The following LRRC37A2 variants were observed in gnomAD, a reference collection of about 807,000 sequenced individuals.
The protein encoded by LRRC37A2 is leucine-rich repeat-containing protein 37A2.
LRRC37A2 carries 9 observed loss-of-function variants against 68.8 expected under a neutral mutation model. That is an observed-to-expected ratio of 0.13 (90% CI 0.08 to 0.23). The LOEUF is 0.23. Among genes scored for constraint, LRRC37A2 ranks in the 10% least tolerant of loss-of-function variants. LRRC37A2 has a pLI of 1.00. For synonymous variants in LRRC37A2, 63 were observed against 367.6 expected, an observed-to-expected ratio of 0.17 and a Z score of 9.48; for missense variants, 168 against 950.4, an observed-to-expected ratio of 0.18 and a Z score of 10.82.
At chr17:46,810,021 T>TTTTTTTTC in the LRRC37A2 span, among the ~76,000 whole-genome samples, 1 of 149,974 alleles carries the variant, frequency 6.7e-6, no homozygotes, top group African/African-American at 2.5e-5. Flanking sequence ...TTTTTTTTTT[T>TTTTTTTTC]TTGAGACAGA....
chr17:47,002,476 C>T, the LRRC37A2 span, among the ~76,000 whole-genome samples: 7 of 151,944 alleles, frequency 4.6e-5, no homozygotes, highest in East Asian at 7.8e-4. Context: ...CTGCAACCTC[C>T]GCCTCCTGGG....
chr17:46,847,744 T>C, the LRRC37A2 span, among the ~76,000 whole-genome samples: 1 of 151,932 alleles, frequency 6.6e-6, no homozygotes, highest in Non-Finnish European at 1.5e-5. Context: ...TTGAGGGAGA[T>C]TAGAGGAGAG....
chr17:46,718,460 T>TTA, the LRRC37A2 span, among the ~76,000 whole-genome samples: 1 of 152,258 alleles, frequency 6.6e-6, no homozygotes, highest in Non-Finnish European at 1.5e-5. Context: ...GTTACATGTT[T>TTA]TATACTTGTA....
the LRRC37A2 span, among the ~76,000 whole-genome samples, chr17:46,816,490 CA>C: frequency 7.9e-6 from 1 of 126,646 alleles, no homozygotes; most frequent in African/African-American, 2.8e-5. Context: ...CACACACACA[CA>C]CACACACACA....
chr17:46,418,073 GTCAGCTTTCTGATGAC>G, the LRRC37A2 span, among the ~76,000 whole-genome samples: 1 of 142,004 alleles, frequency 7.0e-6, no homozygotes, highest in East Asian at 2.0e-4. Flanking sequence ...ATAAAAGTTG[GTCAGCTTTCTGATGAC>G]TCAGCTCAGT....
the LRRC37A2 span, among the ~76,000 whole-genome samples, chr17:46,846,941 T>A: frequency 6.6e-6 from 1 of 152,186 alleles, no homozygotes; most frequent in African/African-American, 2.4e-5. Context: ...AGGACTCCAG[T>A]CCAGAAATAC....
At chr17:47,023,960 A>G in the LRRC37A2 span, among the ~76,000 whole-genome samples, 2 of 152,192 alleles carry the variant, frequency 1.3e-5, no homozygotes, top group African/African-American at 2.4e-5. Flanking sequence ...TATTAGGGTT[A>G]GAGAGAGGGA....
the LRRC37A2 span, chr17:46,923,078 C>T: frequency 1.6e-5 from 12 of 765,896 alleles, 1 homozygote; most frequent in South Asian, 1.8e-4. Flanking sequence ...GCGGGCAGCC[C>T]TGGCCGGCAG....
chr17:46,486,231 C>CT, the LRRC37A2 span, among the ~76,000 whole-genome samples: 4 of 99,850 alleles, frequency 4.0e-5, no homozygotes, highest in Non-Finnish European at 6.8e-5. Context: ...CCAGGAACCT[C>CT]ATATAAGTGG....
At chr17:47,018,665 C>G in the LRRC37A2 span, 4 of 1,520,196 alleles carry the variant, frequency 2.6e-6, no homozygotes, top group African/African-American at 2.8e-5. Flanking sequence ...ATGAGAACCC[C>G]TCTCCAACCC....
chr17:46,878,679 G>T, the LRRC37A2 span, among the ~76,000 whole-genome samples: 1 of 152,078 alleles, frequency 6.6e-6, no homozygotes, highest in Non-Finnish European at 1.5e-5. Flanking sequence ...TCAGTGCTGG[G>T]CGTAAGGCAG....
chr17:46,923,820 C>G, the LRRC37A2 span: 1 of 400,364 alleles, frequency 2.5e-6, no homozygotes, highest in Non-Finnish European at 4.4e-6. Flanking sequence ...TTGGTAGTGT[C>G]CTTTATTCGC....
chr17:46,771,072 G>T, the LRRC37A2 span, among the ~76,000 whole-genome samples: 95,530 of 152,138 alleles, frequency 0.63, 32,545 homozygotes, highest in South Asian at 0.82. Context: ...CCTGGGCTGT[G>T]GGCCGAGTGC....
chr17:46,751,628 C>T, the LRRC37A2 span: 2 of 1,541,040 alleles, frequency 1.3e-6, no homozygotes, highest in African/African-American at 1.4e-5. Context: ...TAAGGTACTT[C>T]GTTCTCCGTA....
chr17:46,625,946 C>T, the LRRC37A2 span, among the ~76,000 whole-genome samples: 1 of 138,286 alleles, frequency 7.2e-6, no homozygotes, highest in Non-Finnish European at 1.5e-5. Context: ...TTCTATCTTA[C>T]ACATAGTACT....
the LRRC37A2 span, among the ~76,000 whole-genome samples, chr17:46,823,072 ATGTATT>A: frequency 7.3e-6 from 1 of 137,760 alleles, no homozygotes; most frequent in African/African-American, 2.7e-5. Context: ...TATAATAAAT[ATGTATT>A]TATAATAAAT....
the LRRC37A2 span, among the ~76,000 whole-genome samples, chr17:46,744,835 G>A: frequency 2.0e-5 from 3 of 152,002 alleles, no homozygotes; most frequent in African/African-American, 7.3e-5. Context: ...CCTTTTTCAT[G>A]GAAATGTTTT....
chr17:46,995,406 T>A, the LRRC37A2 span, among the ~76,000 whole-genome samples: 1 of 152,222 alleles, frequency 6.6e-6, no homozygotes, highest in African/African-American at 2.4e-5. Context: ...TTAGCTAGGC[T>A]TATGAATATG....
chr17:46,714,628 G>A, the LRRC37A2 span, among the ~76,000 whole-genome samples: 2 of 152,156 alleles, frequency 1.3e-5, no homozygotes, highest in Non-Finnish European at 2.9e-5. Flanking sequence ...ATTCAAGCAA[G>A]TGCCATGCAA....
Sources: allele counts gnomAD v4.1 joint callset (sites outside exome capture counted in the v4.1 genomes callset), GRCh38; gene constraint gnomAD v4.1.1; transcripts MANE v1.5; gene names NCBI Gene and HGNC (gene_info 2026-07-23, HGNC 2026-07-21).